Variants in LRP1B observed in about 807,000 individuals in gnomAD.
The protein encoded by LRP1B is LDL receptor related protein 1B.
A neutral mutation model predicts 556.6 loss-of-function variants in LRP1B; 217 were observed. The observed-to-expected ratio is 0.39, with a 90% CI of 0.35 to 0.44. LRP1B has a LOEUF of 0.44. Among genes scored for constraint, LRP1B ranks in the 20% least tolerant of loss-of-function variants. The pLI is 1.00. For synonymous variants in LRP1B, 2,047 were observed against 1,865.8 expected (o/e 1.10, Z -2.50); for missense variants, 5,053 against 5,620.8 (o/e 0.90, Z 3.23).
chr2:141,614,080 CAA>C lies in LRP1B; in HGVS notation c.206-133549_206-133548del, dbSNP rs550183140. ...GGGCGATAAGAGCAAAACTCAGCCT[CAA>C]AAAAAAAAAAAAAAAAAAAGAAAGA... On this transcript the variant is annotated intron_variant, in intron 2 of 90. Coordinates refer to ENST00000389484, the MANE Select transcript of LRP1B (RefSeq NM_018557.3). Among the ~76,000 whole-genome samples the C allele has an allele frequency of 5.3e-4, 25 of 47,354 alleles. No individual in the cohort carries two copies. In the South Asian group the frequency reaches 8.1e-3, roughly 15 times the overall value. The allele number at this position is 47,354 out of a possible 152,430, so 31.1% of individuals were successfully genotyped here. A position where few individuals can be genotyped will look rare whatever the true frequency, so the allele number is the denominator to read the frequency against.
chr2:141,618,164 T>G (rs1413816166), intron 2 of LRP1B, among the ~76,000 whole-genome samples: 2 of 152,126 alleles, frequency 1.3e-5, no homozygotes, highest in South Asian at 4.1e-4. Context: ...AAAATTATTG[T>G]CCTTTCTCTG....
chr2:141,866,775 G>A (rs1698426267), intron 1 of LRP1B, among the ~76,000 whole-genome samples: 1 of 151,762 alleles, frequency 6.6e-6, no homozygotes, highest in Non-Finnish European at 1.5e-5. Context: ...AGGAGAAAAG[G>A]GGACAGGATA....
At chr2:142,020,739 C>T (rs1170740773) in intron 1 of LRP1B, among the ~76,000 whole-genome samples, 1 of 151,954 alleles carries the variant, frequency 6.6e-6, no homozygotes, top group Non-Finnish European at 1.5e-5. Flanking sequence ...AAAAGCCTTC[C>T]CAGTGTGTGA....
chr2:141,293,262 A>C (rs1686045201), intron 3 of LRP1B, among the ~76,000 whole-genome samples: 1 of 152,174 alleles, frequency 6.6e-6, no homozygotes, highest in Admixed American at 6.5e-5. Context: ...GGTTGATATG[A>C]CTCAAATATC....
intron 60 of LRP1B, among the ~76,000 whole-genome samples, chr2:140,463,341 C>A (rs1166640471): frequency 6.6e-6 from 1 of 152,098 alleles, no homozygotes; most frequent in African/African-American, 2.4e-5. Context: ...AACCTTAGGG[C>A]CAAGGACATT....
chr2:141,514,599 A>G (rs543574735), intron 2 of LRP1B, among the ~76,000 whole-genome samples: 1 of 152,300 alleles, frequency 6.6e-6, no homozygotes, highest in South Asian at 2.1e-4. Flanking sequence ...ATGCAAGTAC[A>G]GATGTTCCGA....
intron 1 of LRP1B, among the ~76,000 whole-genome samples, chr2:141,900,619 G>C (rs889134395): frequency 6.6e-6 from 1 of 151,870 alleles, no homozygotes; most frequent in Non-Finnish European, 1.5e-5. Flanking sequence ...GTTCAGAAAT[G>C]ATCATTTCTA....
At chr2:141,621,829 A>G (rs355579) in intron 2 of LRP1B, among the ~76,000 whole-genome samples, 135,963 of 152,244 alleles carry the variant, frequency 0.89, 61,117 homozygotes, top group East Asian at 0.99. Context: ...TGGGGGAGGA[A>G]AAGTCGATCC....
intron 1 of LRP1B, among the ~76,000 whole-genome samples, chr2:142,054,938 T>G (rs922120517): frequency 6.6e-6 from 1 of 152,138 alleles, no homozygotes; most frequent in Non-Finnish European, 1.5e-5. Flanking sequence ...ATGTTTCACA[T>G]CAGTGAATTT....
intron 35 of LRP1B, among the ~76,000 whole-genome samples, chr2:140,753,242 A>T (rs916533686): frequency 2.0e-5 from 3 of 152,222 alleles, no homozygotes; most frequent in Non-Finnish European, 4.4e-5. Context: ...TGAATTTGCT[A>T]TAATTTCATT....
At chr2:140,799,084 A>G (rs1194465609) in intron 32 of LRP1B, among the ~76,000 whole-genome samples, 2 of 152,198 alleles carry the variant, frequency 1.3e-5, no homozygotes, top group African/African-American at 4.8e-5. Context: ...ACGCATATAT[A>G]TGATAAAAGC....
intron 1 of LRP1B, among the ~76,000 whole-genome samples, chr2:141,830,657 C>A (rs1229859440): frequency 6.6e-6 from 1 of 151,698 alleles, no homozygotes; most frequent in African/African-American, 2.4e-5. Context: ...TAGCTAACAC[C>A]TGCACTAGTG....
At chr2:141,509,219 C>T (rs1389498725) in intron 2 of LRP1B, among the ~76,000 whole-genome samples, 1 of 152,052 alleles carries the variant, frequency 6.6e-6, no homozygotes, top group African/African-American at 2.4e-5. Context: ...TTGAAACAGC[C>T]CAAGATAAAT....
chr2:140,988,794 T>G (rs566637610), intron 17 of LRP1B, among the ~76,000 whole-genome samples: 1 of 152,286 alleles, frequency 6.6e-6, no homozygotes, highest in East Asian at 1.9e-4. Flanking sequence ...TATATAATGG[T>G]TTAAAAAATC....
intron 53 of LRP1B, 143 bp downstream of exon 53, chr2:140,506,648 ATGTGC>A (rs1689426323): frequency 1.4e-6 from 1 of 713,252 alleles, no homozygotes; most frequent in African/African-American, 1.8e-5. Flanking sequence ...AATAAGTTAT[ATGTGC>A]TGTGATTGTG....
At chr2:141,350,554 G>C (rs1688407187) in intron 3 of LRP1B, among the ~76,000 whole-genome samples, 1 of 151,930 alleles carries the variant, frequency 6.6e-6, no homozygotes, top group African/African-American at 2.4e-5. Flanking sequence ...AACTGTCTTG[G>C]AATCAGAAAT....
In LRP1B at chr2:140,334,331, T is replaced by C. The variant is rs922977610; in HGVS notation, c.12223+122A>G. 2.4e-5 allele frequency: 15 copies of C among 635,344 alleles called. No individual in the cohort carries two copies. The African/African-American group carries it at 2.9e-4, about 12-fold the overall frequency. The allele number at this position is 635,344 out of a possible 1,614,324, so 39.4% of individuals were successfully genotyped here. A position where few individuals can be genotyped will look rare whatever the true frequency, so the allele number is the denominator to read the frequency against. ...AAATGTAAATAACTTCATAAAATCA[T>C]ACTCTAAATAGTTTTATCCACTTGT... On this transcript the variant is annotated intron_variant, in intron 79 of 90. Coordinates refer to ENST00000389484, the MANE Select transcript of LRP1B (RefSeq NM_018557.3).
chr2:141,801,696 T>C (rs1696012877), intron 2 of LRP1B, among the ~76,000 whole-genome samples: 1 of 152,176 alleles, frequency 6.6e-6, no homozygotes, highest in Admixed American at 6.5e-5. Context: ...ACATTAGGTG[T>C]TCTTAAAGGT....
chr2:141,381,181 A>G (rs1009603135), intron 3 of LRP1B, among the ~76,000 whole-genome samples: 2 of 152,174 alleles, frequency 1.3e-5, no homozygotes, highest in Non-Finnish European at 2.9e-5. Flanking sequence ...ATGCAGGAAC[A>G]AAGTGAATAT....
Sources: allele counts gnomAD v4.1 joint callset (sites outside exome capture counted in the v4.1 genomes callset), GRCh38; gene constraint gnomAD v4.1.1; transcripts MANE v1.5; gene names NCBI Gene and HGNC (gene_info 2026-07-23, HGNC 2026-07-21).